EPB41L5: variants seen among roughly 807,000 people sequenced by gnomAD.
EPB41L5 encodes erythrocyte membrane protein band 4.1 like 5, also known as band 4.1-like protein 5.
Under a neutral mutation model 106.6 loss-of-function variants are expected in EPB41L5, and 55 were observed. That is an observed-to-expected ratio of 0.52 (90% CI 0.42 to 0.65). EPB41L5 has a LOEUF of 0.65. EPB41L5 is among the 30% of genes least tolerant of loss of function. The pLI, the probability that EPB41L5 is intolerant of heterozygous loss-of-function variation, is 0.00. For missense variants in EPB41L5, 871 were observed against 882.1 expected, an observed-to-expected ratio of 0.99 and a Z score of 0.16; for synonymous variants, 297 against 306.7, an observed-to-expected ratio of 0.97 and a Z score of 0.33.
At chr2:120,128,301 G>T (rs1460309504) in intron 17 of EPB41L5, among the ~76,000 whole-genome samples, 2 of 117,830 alleles carry the variant, frequency 1.7e-5, no homozygotes, top group Non-Finnish European at 3.7e-5. Context: ...ATTTTTGAAG[G>T]TTAAAAGGAG....
chr2:120,050,265 G>T (rs931654643), intron 3 of EPB41L5, among the ~76,000 whole-genome samples: 1 of 152,150 alleles, frequency 6.6e-6, no homozygotes. Flanking sequence ...GTGTTTTCCA[G>T]CTTGGTTCCA....
intron 3 of EPB41L5, among the ~76,000 whole-genome samples, chr2:120,072,621 T>C (rs1681949583): frequency 6.6e-6 from 1 of 152,204 alleles, no homozygotes; most frequent in Admixed American, 6.5e-5. Flanking sequence ...TGAGTTCATG[T>C]CCTTTGCAGG....
intron 2 of EPB41L5, among the ~76,000 whole-genome samples, chr2:120,025,834 C>G (rs1173649013): frequency 6.6e-6 from 1 of 152,058 alleles, no homozygotes; most frequent in African/African-American, 2.4e-5. Flanking sequence ...ATAGCTAGAA[C>G]AATATTGAAA....
At chr2:120,050,305 C>G (rs1680141346) in intron 3 of EPB41L5, among the ~76,000 whole-genome samples, 1 of 152,216 alleles carries the variant, frequency 6.6e-6, no homozygotes, top group Non-Finnish European at 1.5e-5. Context: ...GTACACCAAT[C>G]AGACATAGAT....
At chr2:120,137,530 T>C (rs1226424709) in intron 18 of EPB41L5, among the ~76,000 whole-genome samples, 4 of 151,970 alleles carry the variant, frequency 2.6e-5, no homozygotes, top group African/African-American at 2.4e-5. Context: ...GACTTATAAC[T>C]GATACTGCAA....
intron 20 of EPB41L5, 139 bp from the exon 21 acceptor site, chr2:120,160,742 C>T: frequency 1.6e-6 from 1 of 623,034 alleles, no homozygotes; most frequent in Non-Finnish European, 2.9e-6. Flanking sequence ...ATTTACATTT[C>T]CCTGATGATT....
intron 16 of EPB41L5, among the ~76,000 whole-genome samples, chr2:120,115,264 G>GAT (rs1190159508): frequency 6.6e-6 from 1 of 152,138 alleles, no homozygotes; most frequent in Non-Finnish European, 1.5e-5. Context: ...TGTACTTACT[G>GAT]ATAAGGAAGG....
intron 20 of EPB41L5, among the ~76,000 whole-genome samples, chr2:120,160,170 C>G (rs115431133): frequency 1.3e-5 from 2 of 152,140 alleles, no homozygotes; most frequent in Non-Finnish European, 2.9e-5. Context: ...TCCAATGATA[C>G]AAGTTTACCT....
At chr2:120,069,017 A>G (rs1292259686) in intron 3 of EPB41L5, among the ~76,000 whole-genome samples, 1 of 151,766 alleles carries the variant, frequency 6.6e-6, no homozygotes, top group Non-Finnish European at 1.5e-5. Context: ...AATCCCAGCT[A>G]CTTGGGAGGC....
chr2:120,074,673 T>G (rs1678548437), intron 5 of EPB41L5, among the ~76,000 whole-genome samples: 1 of 152,204 alleles, frequency 6.6e-6, no homozygotes, highest in Admixed American at 6.5e-5. Flanking sequence ...GCCTCCTTTG[T>G]ATTTATTCAT....
intron 3 of EPB41L5, among the ~76,000 whole-genome samples, chr2:120,043,187 G>A (rs1489172225): frequency 1.3e-5 from 2 of 152,070 alleles, no homozygotes; most frequent in African/African-American, 2.4e-5. Context: ...ATGGCAGCAG[G>A]GTATTGGTTA....
intron 10 of EPB41L5, among the ~76,000 whole-genome samples, chr2:120,081,474 GT>G (rs2105339841): frequency 1.3e-5 from 2 of 152,300 alleles, no homozygotes; most frequent in East Asian, 3.9e-4. Context: ...CTATATCTCT[GT>G]TTTGGTACCA....
chr2:120,157,682 T>C (rs1017771980), intron 20 of EPB41L5, among the ~76,000 whole-genome samples: 1 of 148,486 alleles, frequency 6.7e-6, no homozygotes, highest in African/African-American at 2.5e-5. Context: ...GGCACAAGAA[T>C]AGATTGAACC....
chr2:120,089,044 G>A (rs879819606), intron 11 of EPB41L5, among the ~76,000 whole-genome samples: 2 of 151,970 alleles, frequency 1.3e-5, no homozygotes, highest in Admixed American at 1.3e-4. Flanking sequence ...TTTATTTTTA[G>A]ATGACATATA....
At chr2:120,068,920 G>A (rs1028136689) in intron 3 of EPB41L5, among the ~76,000 whole-genome samples, 2 of 151,848 alleles carry the variant, frequency 1.3e-5, no homozygotes, top group African/African-American at 2.4e-5. Flanking sequence ...CGGAGGCTGG[G>A]AGTTCGAGAC....
At chr2:120,082,044 G>T (rs1682709377) in intron 10 of EPB41L5, among the ~76,000 whole-genome samples, 1 of 152,168 alleles carries the variant, frequency 6.6e-6, no homozygotes, top group African/African-American at 2.4e-5. Flanking sequence ...ATACAATCGT[G>T]TCATCTGTGA....
rs113931949 is a variant in EPB41L5, at chr2:120,080,376, C to A, written c.803+1795C>A. Among the ~76,000 whole-genome samples the A allele has an allele frequency of 4.6e-5, 7 of 152,044 alleles. No homozygotes were observed. In the East Asian group the frequency reaches 9.7e-4, roughly 21 times the overall value. On this transcript the variant is annotated intron_variant, in intron 10 of 24. Coordinates refer to ENST00000263713, the MANE Select transcript of EPB41L5 (RefSeq NM_020909.4). ...TGCGGTGTTTGGTTTTTTGTCCTTG[C>A]AATAGTTTGCTGAGAATGATGATTT...
Position 120,131,569 on chromosome 2 carries a change from T to TGA in EPB41L5, c.1502-48_1502-47dup. ...AACCATACCCTCACACAGCTAGCTG[T>TGA]GACAGCCTGGCAGACTGGGGTTATT... On this transcript the variant is annotated intron_variant, in intron 17 of 24. Transcript: ENST00000263713. 3 of 1,358,596 alleles carry TGA rather than the reference T, an allele frequency of 2.2e-6. 1 individual carries two copies. The South Asian group carries it at 3.6e-5, about 16-fold the overall frequency. 84.2% of individuals were successfully genotyped at this position (1,358,596 alleles called of 1,614,324 possible).
rs986856469 is a variant in EPB41L5, at chr2:120,122,211, T to C, written c.1338-5477T>C. 2.6e-5 allele frequency among the ~76,000 whole-genome samples: 4 copies of C among 152,342 alleles called. No individual in the cohort carries two copies. The South Asian group carries it at 8.3e-4, about 32-fold the overall frequency. On this transcript the variant is annotated intron_variant, in intron 16 of 24. Transcript: ENST00000263713. ...CACATTTGTCAGTTTTGGCTTTTGTTGCCATTGCTTTTGGTGTTTTAGTCA... is the reference window on the plus strand; with the variant it reads ...CACATTTGTCAGTTTTGGCTTTTGTCGCCATTGCTTTTGGTGTTTTAGTCA...
Sources: gnomAD v4.1 joint callset for allele counts (sites outside exome capture counted in the v4.1 genomes callset) on GRCh38, gnomAD v4.1.1 for gene constraint, MANE v1.5 for transcripts, NCBI Gene and HGNC (gene_info 2026-07-23, HGNC 2026-07-21) for gene names.